The following ABCC5 variants were observed in gnomAD, a reference collection of about 807,000 sequenced individuals.
ABCC5 encodes ATP binding cassette subfamily C member 5, also known as ATP-binding cassette sub-family C member 5.
In ABCC5, 61 loss-of-function variants were observed where a neutral mutation model predicts 160.9. The observed-to-expected ratio is 0.38, with a 90% confidence interval of 0.31 to 0.47. The LOEUF (loss-of-function observed/expected upper bound fraction) is 0.47, where lower values mean the gene tolerates loss of function less well. ABCC5 is among the 20% of genes least tolerant of loss of function. ABCC5 has a pLI of 0.99. For missense variants in ABCC5, 1,308 were observed against 1,813.3 expected (o/e 0.72, Z 5.06); for synonymous variants, 666 against 700.6 (o/e 0.95, Z 0.78).
Position 183,987,646 on chromosome 3 carries a change from G to T in ABCC5, c.591+124C>A. On this transcript the variant is annotated intron_variant, in intron 5 of 29. Transcript: ENST00000334444. This position sits in a 1 kb window ranked among gnomAD's most constrained non-coding sequence, Gnocchi z 4.2. ...TCCATCGACCCCTTTCAACAGACCT[G>T]AAGGCATCTCTAAGACTGCTACCTA... is the stretch of plus-strand genomic sequence containing the variant. The T allele has an allele frequency of 7.5e-7, 1 of 1,331,112 alleles. No homozygotes were observed. 82.5% of individuals were successfully genotyped at this position (1,331,112 alleles called of 1,614,324 possible).
intron 17 of ABCC5, among the ~76,000 whole-genome samples, chr3:183,953,552 G>T (rs4912517): frequency 0.23 from 34,986 of 152,120 alleles, 4,977 homozygotes; most frequent in Middle Eastern, 0.33. Context: ...AGGACAGGCA[G>T]ATCAATAATC....
intron 10 of ABCC5, among the ~76,000 whole-genome samples, chr3:183,977,297 C>T (rs1009394424): frequency 5.9e-5 from 9 of 152,178 alleles, no homozygotes; most frequent in African/African-American, 1.9e-4. Flanking sequence ...AGATCATGGC[C>T]GTTCACAAAA....
chr3:183,977,351 C>A (rs1279584746), intron 10 of ABCC5, among the ~76,000 whole-genome samples, 166 bp downstream of exon 10: 2 of 152,240 alleles, frequency 1.3e-5, no homozygotes, highest in African/African-American at 4.8e-5. Flanking sequence ...AGTCTCATCC[C>A]TCAATTCAGT....
At chr3:183,928,636 T>G in intron 27 of ABCC5, 111 bp downstream of exon 27, 1 of 942,052 alleles carries the variant, frequency 1.1e-6, no homozygotes. Context: ...ACGAAGCCTT[T>G]GTCCACAGGC....
chr3:183,933,728 G>T (rs921903021), intron 26 of ABCC5, among the ~76,000 whole-genome samples: 1 of 152,164 alleles, frequency 6.6e-6, no homozygotes, highest in Admixed American at 6.5e-5. Flanking sequence ...ATTTAGATTA[G>T]ATTATATTTG....
chr3:183,969,264 G>A (rs940548262), intron 11 of ABCC5, among the ~76,000 whole-genome samples: 1 of 152,192 alleles, frequency 6.6e-6, no homozygotes, highest in Non-Finnish European at 1.5e-5. Context: ...GGCAAAATGA[G>A]GGTCAACATA....
intron 17 of ABCC5, among the ~76,000 whole-genome samples, chr3:183,956,392 G>C (rs1715964631): frequency 1.3e-5 from 2 of 149,568 alleles, no homozygotes; most frequent in Admixed American, 6.7e-5. Flanking sequence ...AAATCACATA[G>C]GTTACATGCA....
chr3:183,981,833 G>T lies in ABCC5; in HGVS notation c.1041C>A (p.Cys347Ter). 2 of 1,610,296 alleles carry T rather than the reference G, an allele frequency of 1.2e-6. No individual in the cohort carries two copies. Among genetic ancestry groups the T allele is most frequent in the East Asian group, 2.2e-5 (1 of 44,738 alleles). ...SRLTAYFRRK[C>*]VAATDERVQK... ...GGACACGTTCATCCGTGGCGGCCAC[G>T]CATTTTCTCCTGAAATATGCTGTGA... The change falls in exon 8 of 30, where the codon TGC (cysteine) becomes TGA (stop). Residue 347 changes from cysteine to a stop codon, truncating the protein, a stop_gained. Transcript: ENST00000334444. LOFTEE classifies it high-confidence loss of function.
In ABCC5 at chr3:183,940,462, G is replaced by GAAAAAA. The variant is rs537025178; in HGVS notation, c.3694+2259_3694+2264dup. On this transcript the variant is annotated intron_variant, in intron 25 of 29. Transcript: ENST00000334444. ...GCAACAGACTGAGACTCTGTCTCAGGAAAAAAAAAAAAAAAAAAAAAAAAA... is the reference window on the plus strand; with the variant it reads ...GCAACAGACTGAGACTCTGTCTCAGGAAAAAAAAAAAAAAAAAAAAAAAAAAAAAAA... 1.4e-3 allele frequency among the ~76,000 whole-genome samples: 92 copies of GAAAAAA among 64,612 alleles called. 8 individuals carry two copies. Among genetic ancestry groups the GAAAAAA allele is most frequent in the South Asian group, 8.5e-3 (12 of 1,406 alleles). 42.4% of individuals were successfully genotyped at this position (64,612 alleles called of 152,430 possible). A position where few individuals can be genotyped will look rare whatever the true frequency, so the allele number is the denominator to read the frequency against.
In ABCC5 at chr3:183,949,784, C is replaced by A; in HGVS notation, c.3196G>T (p.Ala1066Ser). ...AGAAACTCCTGCCCTTTATTGTAGG[C>A]GTGGATGGTGGCAAGGCCCTGTATG... Reference protein sequence around the residue: ...SSIQGLATIHAYNKGQEFLHR... With the variant: ...SSIQGLATIHSYNKGQEFLHR... The change falls in exon 22 of 30, where the codon GCC (alanine) becomes TCC (serine). Residue 1066 changes from alanine (A) to serine (S), a missense_variant. Physicochemically the swap from Ala to Ser is moderately conservative, Grantham distance 99. This residue lies in a region of ABCC5 where 1,142 missense variants were observed against 1,527.1 expected (regional missense o/e 0.75). Coordinates refer to ENST00000334444, the MANE Select transcript of ABCC5 (RefSeq NM_005688.4). This position sits in a 1 kb window ranked among gnomAD's most constrained non-coding sequence, Gnocchi z 4.2. 1 of 1,614,138 alleles carries A rather than the reference C, an allele frequency of 6.2e-7. No homozygotes were observed. The highest frequency in any genetic ancestry group is 1.1e-5 in the South Asian group (1 of 91,078).
intron 10 of ABCC5, among the ~76,000 whole-genome samples, chr3:183,974,454 G>A (rs932427467): frequency 6.6e-6 from 1 of 151,974 alleles, no homozygotes; most frequent in Non-Finnish European, 1.5e-5. Flanking sequence ...GATTACAGGT[G>A]CCCACCACCA....
chr3:183,936,651 G>T (rs999738138), intron 26 of ABCC5, among the ~76,000 whole-genome samples: 1 of 152,106 alleles, frequency 6.6e-6, no homozygotes, highest in African/African-American at 2.4e-5. Flanking sequence ...GGGACTACAG[G>T]CGCCCACCAC....
At chr3:183,992,436 C>T (rs1719850237) in intron 2 of ABCC5, among the ~76,000 whole-genome samples, 1 of 152,148 alleles carries the variant, frequency 6.6e-6, no homozygotes, top group African/African-American at 2.4e-5. Context: ...CTGTGCTAAA[C>T]AGTATGAAAC....
rs1285318949 is a variant in ABCC5 at position 183,963,118 on chromosome 3, A to T, written c.2235+267T>A. On this transcript the variant is annotated intron_variant, in intron 15 of 29. Transcript: ENST00000334444. This position sits in a 1 kb window ranked among gnomAD's most constrained non-coding sequence, Gnocchi z 4.6. Reference sequence around the variant, plus strand: ...GCTTTCCAAACTATCTTATACCCAAACTCCATTTTTGGCCTGCTCCTCTCA... The same window carrying T: ...GCTTTCCAAACTATCTTATACCCAATCTCCATTTTTGGCCTGCTCCTCTCA... Among the ~76,000 whole-genome samples, 1 of 151,744 alleles carries T rather than the reference A, an allele frequency of 6.6e-6. No homozygotes were observed. Among genetic ancestry groups the T allele is most frequent in the Non-Finnish European group, 1.5e-5 (1 of 67,952 alleles).
rs1015690103 is a variant in ABCC5, at chr3:183,921,487, C to A, written c.4213-86G>T. 22 of 1,260,622 alleles carry A rather than the reference C, an allele frequency of 1.7e-5. No homozygotes were observed. Among genetic ancestry groups the A allele is most frequent in the Non-Finnish European group, 2.3e-5 (21 of 926,902 alleles). The allele number at this position is 1,260,622 out of a possible 1,614,324, so 78.1% of individuals were successfully genotyped here. A position where few individuals can be genotyped will look rare whatever the true frequency, so the allele number is the denominator to read the frequency against. ...ATCCACGGCTCAGTAAGTGCCAGTG[C>A]CCTCTGAGGGTAGAATCTGGGGACA... is the stretch of plus-strand genomic sequence containing the variant. On this transcript the variant is annotated intron_variant, in intron 29 of 29. Coordinates refer to ENST00000334444, the MANE Select transcript of ABCC5 (RefSeq NM_005688.4). This position sits in a 1 kb window ranked among gnomAD's most constrained non-coding sequence, Gnocchi z 4.1.
chr3:183,999,517 C>G (rs183897245), intron 2 of ABCC5, among the ~76,000 whole-genome samples: 1 of 152,280 alleles, frequency 6.6e-6, no homozygotes, highest in Admixed American at 6.5e-5. Context: ...CACTGGCTCA[C>G]ACCTGTAATC....
chr3:183,945,681 C>G (rs999400094), intron 24 of ABCC5, among the ~76,000 whole-genome samples, 169 bp downstream of exon 24: 1 of 152,176 alleles, frequency 6.6e-6, no homozygotes, highest in Non-Finnish European at 1.5e-5. Context: ...GAAACTCTTA[C>G]GGTAATCTCT....
intron 26 of ABCC5, among the ~76,000 whole-genome samples, 164 bp from the exon 27 acceptor site, chr3:183,928,989 A>G (rs1712893430): frequency 1.3e-5 from 2 of 152,132 alleles, no homozygotes; most frequent in South Asian, 2.1e-4. Flanking sequence ...GAGCTCTGAC[A>G]GCACACTGGG....
chr3:183,940,720 G>A (rs1467031620), intron 25 of ABCC5, among the ~76,000 whole-genome samples: 1 of 152,144 alleles, frequency 6.6e-6, no homozygotes, highest in Non-Finnish European at 1.5e-5. Flanking sequence ...TTGCACTGAT[G>A]GAATGTGCTG....
Sources: gnomAD v4.1 joint callset for allele counts (sites outside exome capture counted in the v4.1 genomes callset) on GRCh38, gnomAD v4.1.1 for gene constraint, gnomAD v4.1.1 regional missense constraint, Gnocchi (gnomAD v3.1) non-coding constraint, MANE v1.5 for transcripts, NCBI Gene and HGNC (gene_info 2026-07-23, HGNC 2026-07-21) for gene names.